Variants in VTI1A observed in about 807,000 individuals in gnomAD.
VTI1A encodes the protein vesicle transport through interaction with t-SNAREs 1A.
VTI1A carries 22 observed loss-of-function variants against 34.9 expected under a neutral mutation model. The ratio of observed to expected loss-of-function variants is 0.63; its 90% CI spans 0.45 to 0.90. The LOEUF is 0.90. Ranked by LOEUF, VTI1A falls within the 40% of genes least tolerant of loss-of-function variation. VTI1A has a pLI of 0.00. For missense variants in VTI1A, 268 were observed against 275.6 expected (o/e 0.97, Z 0.20); for synonymous variants, 87 against 97.3 (o/e 0.89, Z 0.62).
At chr10:112,661,115 G>C (rs1590040200) in intron 5 of VTI1A, among the ~76,000 whole-genome samples, 1 of 151,966 alleles carries the variant, frequency 6.6e-6, no homozygotes, top group Non-Finnish European at 1.5e-5. Flanking sequence ...CAAGTAGCTG[G>C]GACTACAGGC....
At chr10:112,792,206 C>T (rs543528786) in intron 7 of VTI1A, among the ~76,000 whole-genome samples, 1 of 152,242 alleles carries the variant, frequency 6.6e-6, no homozygotes, top group African/African-American at 2.4e-5. Context: ...ACCCGGGAGG[C>T]AGAGGTTGCA....
At chr10:112,505,963 T>C (rs186416639) in intron 3 of VTI1A, among the ~76,000 whole-genome samples, 196 of 152,320 alleles carry the variant, frequency 1.3e-3, no homozygotes, top group Non-Finnish European at 8.8e-5. Context: ...TAATAAGATA[T>C]TGTATTATTG....
At chr10:112,564,107 C>T (rs549933181) in intron 5 of VTI1A, among the ~76,000 whole-genome samples, 58 of 150,130 alleles carry the variant, frequency 3.9e-4, no homozygotes, top group Non-Finnish European at 7.5e-4. Context: ...TCAATTTCAC[C>T]CTGAAAATAG....
At chr10:112,681,065 CT>C (rs998282030) in intron 7 of VTI1A, among the ~76,000 whole-genome samples, 4 of 146,884 alleles carry the variant, frequency 2.7e-5, no homozygotes, top group South Asian at 2.2e-4. Flanking sequence ...GAATTTTTCT[CT>C]TTTTTTCTTT....
intron 7 of VTI1A, among the ~76,000 whole-genome samples, chr10:112,721,675 A>G (rs553545197): frequency 1.3e-5 from 2 of 152,340 alleles, no homozygotes; most frequent in Non-Finnish European, 2.9e-5. Context: ...ATCCTCCGCC[A>G]TAATGATGTG....
At chr10:112,456,898 C>A (rs1847549560) in intron 1 of VTI1A, among the ~76,000 whole-genome samples, 1 of 152,176 alleles carries the variant, frequency 6.6e-6, no homozygotes, top group South Asian at 2.1e-4. Flanking sequence ...CTGAGCTACT[C>A]CTCATACTTG....
At chr10:112,510,610 T>G (rs1359842574) in intron 3 of VTI1A, among the ~76,000 whole-genome samples, 2 of 151,990 alleles carry the variant, frequency 1.3e-5, no homozygotes, top group Non-Finnish European at 2.9e-5. Flanking sequence ...GTCTCCAGCA[T>G]GGACGACAGT....
chr10:112,557,794 C>G (rs138775837), intron 5 of VTI1A, among the ~76,000 whole-genome samples: 35 of 152,190 alleles, frequency 2.3e-4, no homozygotes, highest in Non-Finnish European at 4.1e-4. Context: ...TCAAAATGCC[C>G]ACTGTGTATT....
chr10:112,678,390 C>A (rs1848101579), intron 7 of VTI1A, among the ~76,000 whole-genome samples: 1 of 152,146 alleles, frequency 6.6e-6, no homozygotes, highest in Non-Finnish European at 1.5e-5. Flanking sequence ...CTTAGCCCCC[C>A]TTGTAAATGG....
chr10:112,770,419 G>A (rs897834302), intron 7 of VTI1A, among the ~76,000 whole-genome samples: 5 of 149,862 alleles, frequency 3.3e-5, no homozygotes, highest in South Asian at 2.1e-4. Context: ...TTTTTGAGAC[G>A]GAGTCTTGCT....
chr10:112,815,512 G>A lies in VTI1A; in HGVS notation c.*129G>A, dbSNP rs1250528486. 4.0e-6 allele frequency: 3 copies of A among 756,104 alleles called. No individual in the cohort carries two copies. The highest frequency in any genetic ancestry group is 2.6e-5 in the East Asian group (1 of 38,382). The allele number at this position is 756,104 out of a possible 1,614,324, so 46.8% of individuals were successfully genotyped here. A position where few individuals can be genotyped will look rare whatever the true frequency, so the allele number is the denominator to read the frequency against. The stretch of plus-strand genomic sequence containing the variant: ...CCCTCTCTCTCCCTCACCGCCGTTG[G>A]GCTGAAGTGCAAAGAGTGTAAAAAT... On this transcript the variant is annotated 3_prime_UTR_variant, in exon 8 of 8. Transcript: ENST00000393077.
rs193096866 is a variant in VTI1A at position 112,696,921 on chromosome 10, A to G, written c.560+27923A>G. On this transcript the variant is annotated intron_variant, in intron 7 of 7. Coordinates refer to ENST00000393077, the MANE Select transcript of VTI1A (RefSeq NM_145206.4). The stretch of plus-strand genomic sequence containing the variant: ...GCTACAAAGGTGGCTGGCAGAAAAC[A>G]CTAGCTTTAATTGTGTGTTTTCCTC... Among the ~76,000 whole-genome samples, 7 of 152,316 alleles carry G rather than the reference A, an allele frequency of 4.6e-5. No individual in the cohort carries two copies. In the East Asian group the frequency reaches 1.3e-3, roughly 29 times the overall value.
At chr10:112,479,133 C>T (rs568911219) in intron 3 of VTI1A, among the ~76,000 whole-genome samples, 105 of 152,166 alleles carry the variant, frequency 6.9e-4, no homozygotes, top group Non-Finnish European at 1.2e-3. Flanking sequence ...CGCCACTGCA[C>T]TCCAGCCTGG....
At chr10:112,799,054 C>T (rs1221837518) in intron 7 of VTI1A, among the ~76,000 whole-genome samples, 2 of 152,176 alleles carry the variant, frequency 1.3e-5, no homozygotes, top group African/African-American at 2.4e-5. Flanking sequence ...GTTGACCCCT[C>T]CCTGGCCTTT....
chr10:112,756,814 G>A (rs765351993), intron 7 of VTI1A, among the ~76,000 whole-genome samples: 2 of 152,074 alleles, frequency 1.3e-5, no homozygotes, highest in Admixed American at 1.3e-4. Flanking sequence ...TTAGGAGGCC[G>A]AGCCGGGAGA....
At chr10:112,460,165 G>A (rs1163240109) in intron 1 of VTI1A, among the ~76,000 whole-genome samples, 1 of 152,180 alleles carries the variant, frequency 6.6e-6, no homozygotes, top group Non-Finnish European at 1.5e-5. Context: ...TAACAAATCA[G>A]TTATTCCCAA....
At chr10:112,762,821 T>C (rs1851515283) in intron 7 of VTI1A, among the ~76,000 whole-genome samples, 1 of 152,224 alleles carries the variant, frequency 6.6e-6, no homozygotes, top group Non-Finnish European at 1.5e-5. Context: ...GTGCTGGGCC[T>C]GGACAGCAGT....
At chr10:112,606,999 T>G (rs191080396) in intron 5 of VTI1A, among the ~76,000 whole-genome samples, 9 of 152,126 alleles carry the variant, frequency 5.9e-5, no homozygotes, top group Non-Finnish European at 1.3e-4. Flanking sequence ...ATAAGAGAGC[T>G]AAGTTGGCTG....
rs776273336 is a variant in VTI1A, at chr10:112,815,363, T to C, written c.634T>C (p.Phe212Leu). The change falls in exon 8 of 8, where the codon TTT becomes CTT. Residue 212 changes from phenylalanine to leucine, a missense_variant. Transcript: ENST00000393077. ...VVITILMAITFSVRRH is the reference protein window; with the variant it reads ...VVITILMAITLSVRRH Reference sequence around the variant, plus strand: ...CATCACCATCCTGATGGCGATCACTTTTTCTGTCAGAAGACACTGATGTAT... The same window carrying C: ...CATCACCATCCTGATGGCGATCACTCTTTCTGTCAGAAGACACTGATGTAT... 4 of 1,614,012 alleles carry C rather than the reference T, an allele frequency of 2.5e-6. No homozygotes were observed. The South Asian group carries it at 4.4e-5, about 18-fold the overall frequency.
Sources: allele counts gnomAD v4.1 joint callset (sites outside exome capture counted in the v4.1 genomes callset), GRCh38; gene constraint gnomAD v4.1.1; transcripts MANE v1.5; gene names NCBI Gene and HGNC (gene_info 2026-07-23, HGNC 2026-07-21).